The following SLC5A10 variants were observed in gnomAD, a reference collection of about 807,000 sequenced individuals.
SLC5A10 encodes the protein sodium/mannose cotransporter SLC5A10.
A neutral mutation model predicts 68.9 loss-of-function variants in SLC5A10; 55 were observed. The ratio of observed to expected loss-of-function variants is 0.80; its 90% confidence interval spans 0.64 to 1.00. The LOEUF is 1.00. Ranked by LOEUF, SLC5A10 falls within the 50% of genes least tolerant of loss-of-function variation. SLC5A10 has a pLI of 0.00. For missense variants in SLC5A10, 732 were observed against 819.3 expected (o/e 0.89, Z 1.30); for synonymous variants, 344 against 344.8 (o/e 1.00, Z 0.02).
At position 19,019,406 on chromosome 17, in the gene SLC5A10, C is replaced by G. The variant is rs2044209480; in HGVS notation, c.1242-17C>G. On this transcript the variant is annotated splice_polypyrimidine_tract_variant and intron_variant, in intron 11 of 14. Transcript: ENST00000395645. ...GCCTCCCACGACGACCGCTGCCTGC[C>G]TTCCACTCGCCTGCAGGCTGGTCAT... is the stretch of plus-strand genomic sequence containing the variant. The G allele has an allele frequency of 4.4e-6, 7 of 1,602,852 alleles. No homozygotes were observed. The highest frequency in any genetic ancestry group is 5.1e-6 in the Non-Finnish European group (6 of 1,175,940).
At position 18,971,496 on chromosome 17, in the gene SLC5A10, G is replaced by A. The variant is rs1014950492; in HGVS notation, c.846+278G>A. The A allele has an allele frequency of 1.5e-5, 24 of 1,613,936 alleles. No individual in the cohort carries two copies. The highest frequency in any genetic ancestry group is 5.0e-5 in the Admixed American group (3 of 60,010). On this transcript the variant is annotated intron_variant, in intron 8 of 14. Coordinates refer to ENST00000395645, the MANE Select transcript of SLC5A10 (RefSeq NM_001042450.4). This position sits in a 1 kb window ranked among gnomAD's most constrained non-coding sequence, Gnocchi z 5.5. ...TATGGGATTCCGAAGGGACTCGGAT[G>A]CTCCTCGGTGGCCCTGCCATCGGTC...
At chr17:18,957,536 T>G (rs1441237191) in intron 1 of SLC5A10, among the ~76,000 whole-genome samples, 1 of 152,086 alleles carries the variant, frequency 6.6e-6, no homozygotes, top group Non-Finnish European at 1.5e-5. Flanking sequence ...TGGCACGATC[T>G]CGGCTCACTG....
chr17:19,004,139 C>G lies in SLC5A10; in HGVS notation c.983-9271C>G. 1 of 1,215,882 alleles carries G rather than the reference C, an allele frequency of 8.2e-7. No homozygotes were observed. Among genetic ancestry groups the G allele is most frequent in the Non-Finnish European group, 1.1e-6 (1 of 876,818 alleles). The allele number at this position is 1,215,882 out of a possible 1,614,324, so 75.3% of individuals were successfully genotyped here. On this transcript the variant is annotated intron_variant, in intron 9 of 14. Transcript: ENST00000395645. The surrounding 1 kb of genome is among the most constrained non-coding windows in gnomAD (Gnocchi z 5.4). Reference sequence around the variant, plus strand: ...GGCACCGCGCGCTCGGGGGCCTCTCCGCGGCCTCTGCTTCTCTGCCCATGA... The same window carrying G: ...GGCACCGCGCGCTCGGGGGCCTCTCGGCGGCCTCTGCTTCTCTGCCCATGA...
chr17:19,013,344 C>T (rs1482079418), intron 9 of SLC5A10, 66 bp from the exon 10 acceptor site: 2 of 1,593,250 alleles, frequency 1.3e-6, no homozygotes, highest in East Asian at 4.6e-5. Flanking sequence ...GCCCCCAGCC[C>T]TATCTTGCCC....
intron 9 of SLC5A10, chr17:18,978,634 G>C (rs371247127): frequency 6.2e-7 from 1 of 1,612,990 alleles, no homozygotes; most frequent in African/African-American, 1.3e-5. Flanking sequence ...TGGGGTTGAC[G>C]AGCTTCTTGG....
rs769819385 is a variant in SLC5A10 at position 18,969,425 on chromosome 17, G to A, written c.640+3G>A. ...GGCTGTCATCCTGACAATCAAAGGTGAGGACAGAGTCTGTGGCCATGGCGG... is the reference window on the plus strand; with the variant it reads ...GGCTGTCATCCTGACAATCAAAGGTAAGGACAGAGTCTGTGGCCATGGCGG... On this transcript the variant is annotated splice_donor_region_variant and intron_variant, in intron 7 of 14. Transcript: ENST00000395645. 19 of 1,613,348 alleles carry A rather than the reference G, an allele frequency of 1.2e-5. No homozygotes were observed. The Admixed American group carries it at 3.0e-4, about 25-fold the overall frequency.
At chr17:19,016,015 C>G (rs147794843) in intron 11 of SLC5A10, among the ~76,000 whole-genome samples, 1 of 151,522 alleles carries the variant, frequency 6.6e-6, no homozygotes, top group Non-Finnish European at 1.5e-5. Context: ...ACCCTCCCAG[C>G]GTTTCCCCTG....
In SLC5A10 at chr17:18,977,630, G is replaced by A. The variant is rs182384089; in HGVS notation, c.982+641G>A. 1.2e-4 allele frequency: 187 copies of A among 1,609,636 alleles called. No homozygotes were observed. The African/African-American group carries it at 1.9e-3, about 16-fold the overall frequency. ...GCGCTGGGCCTGCATCCTCTTCAAC[G>A]CATCTGCTTCTTCTCTTCCCCGACT... is the stretch of plus-strand genomic sequence containing the variant. On this transcript the variant is annotated intron_variant, in intron 9 of 14. Coordinates refer to ENST00000395645, the MANE Select transcript of SLC5A10 (RefSeq NM_001042450.4).
intron 1 of SLC5A10, among the ~76,000 whole-genome samples, chr17:18,956,645 T>C (rs2042510063): frequency 6.6e-6 from 1 of 151,978 alleles, no homozygotes; most frequent in Non-Finnish European, 1.5e-5. Context: ...CCCAGCTAAT[T>C]TTAAAACTTT....
chr17:18,983,536 T>A (rs112871523), intron 9 of SLC5A10, among the ~76,000 whole-genome samples: 3 of 151,954 alleles, frequency 2.0e-5, no homozygotes, highest in African/African-American at 7.3e-5. Context: ...AGTGGGGAGG[T>A]CCAGAGATGC....
chr17:18,952,172 C>G lies in SLC5A10; in HGVS notation c.-34C>G, dbSNP rs369195511. 6.3e-7 allele frequency: 1 copy of G among 1,599,176 alleles called. No homozygotes were observed. The highest frequency in any genetic ancestry group is 2.3e-5 in the East Asian group (1 of 43,900). On this transcript the variant is annotated 5_prime_UTR_variant, in exon 1 of 15. Coordinates refer to ENST00000395645, the MANE Select transcript of SLC5A10 (RefSeq NM_001042450.4). Reference sequence around the variant, plus strand: ...TGACCTGGTTTGCCCCTCAGTCCCTCGGGCTCATACCTAGTGCCTGCGGCA... The same window carrying G: ...TGACCTGGTTTGCCCCTCAGTCCCTGGGGCTCATACCTAGTGCCTGCGGCA...
At chr17:18,985,160 G>A (rs946128090) in intron 9 of SLC5A10, among the ~76,000 whole-genome samples, 16 of 152,248 alleles carry the variant, frequency 1.1e-4, no homozygotes, top group Non-Finnish European at 1.8e-4. Context: ...GCGGGGCTGT[G>A]CCTGTCCCTA....
intron 9 of SLC5A10, chr17:18,977,652 G>C (rs377667225): frequency 3.1e-6 from 5 of 1,610,008 alleles, no homozygotes; most frequent in Non-Finnish European, 4.2e-6. Context: ...TCTCTTCCCC[G>C]ACTCTGGGCC....
intron 9 of SLC5A10, chr17:18,979,190 C>A (rs572840343): frequency 6.4e-6 from 3 of 471,482 alleles, no homozygotes; most frequent in East Asian, 7.7e-5. Flanking sequence ...TGCCACCAAC[C>A]CCCATGTAAC....
intron 8 of SLC5A10, among the ~76,000 whole-genome samples, chr17:18,974,082 G>A (rs868288234): frequency 7.2e-5 from 11 of 152,086 alleles, no homozygotes; most frequent in African/African-American, 2.7e-4. Context: ...TAATAGAGAC[G>A]GGGTTTCACC....
At chr17:19,009,376 A>T in intron 9 of SLC5A10, among the ~76,000 whole-genome samples, 1 of 152,016 alleles carries the variant, frequency 6.6e-6, no homozygotes, top group African/African-American at 2.4e-5. Context: ...TGGTAGAGAC[A>T]TGCTTTCGCC....
chr17:18,978,181 CT>C (rs779089897), intron 9 of SLC5A10: 1 of 1,547,070 alleles, frequency 6.5e-7, no homozygotes. Context: ...CAGGGTCCCC[CT>C]GGGGGAGGCC....
At chr17:18,960,761 T>C in intron 5 of SLC5A10, 109 bp downstream of exon 5, 1 of 1,122,078 alleles carries the variant, frequency 8.9e-7, no homozygotes, top group Non-Finnish European at 1.3e-6. Context: ...GTTTAACAGC[T>C]GGGCAAATTG....
At position 19,022,471 on chromosome 17, in the gene SLC5A10, T is replaced by A. The variant is rs1264978993; in HGVS notation, c.*2040T>A. On this transcript the variant is annotated 3_prime_UTR_variant, in exon 15 of 15. Coordinates refer to ENST00000395645, the MANE Select transcript of SLC5A10 (RefSeq NM_001042450.4). ...GGTTAGGTCCCTGCTTCTCTTGGGA[T>A]CTTATTTACCCGACTCTGCAGCAGC... The A allele has an allele frequency of 3.4e-6, 1 of 290,952 alleles. No homozygotes were observed. Among genetic ancestry groups the A allele is most frequent in the African/African-American group, 2.2e-5 (1 of 46,334 alleles). 18.0% of individuals were successfully genotyped at this position (290,952 alleles called of 1,614,324 possible).
Sources: allele counts gnomAD v4.1 joint callset (sites outside exome capture counted in the v4.1 genomes callset), GRCh38; gene constraint gnomAD v4.1.1; non-coding constraint Gnocchi (gnomAD v3.1); transcripts MANE v1.5; gene names NCBI Gene and HGNC (gene_info 2026-07-23, HGNC 2026-07-21).